CCBE1: variants seen among roughly 807,000 people sequenced by gnomAD.
CCBE1 encodes collagen and calcium binding EGF domains 1.
CCBE1 carries 37 observed loss-of-function variants against 50.0 expected under a neutral mutation model. The ratio of observed to expected loss-of-function variants is 0.74; its 90% CI spans 0.57 to 0.97. The LOEUF is 0.97. Among genes scored for constraint, CCBE1 ranks in the 50% least tolerant of loss-of-function variants. The pLI, the probability that CCBE1 is intolerant of heterozygous loss-of-function variation, is 0.00. For synonymous variants in CCBE1, 234 were observed against 203.7 expected (o/e 1.15, Z -1.27); for missense variants, 538 against 523.8 (o/e 1.03, Z -0.26).
chr18:59,469,719 T>C lies in CCBE1; in HGVS notation c.266-112A>G, dbSNP rs1911938196. 6 of 1,365,682 alleles carry C rather than the reference T, an allele frequency of 4.4e-6. No individual in the cohort carries two copies. In the South Asian group the frequency reaches 4.7e-5, roughly 11 times the overall value. 84.6% of individuals were successfully genotyped at this position (1,365,682 alleles called of 1,614,324 possible). The stretch of plus-strand genomic sequence containing the variant: ...GCTCTGCTCAAGGGCACGTGTGAAG[T>C]GTGGACAGATATACTTGGAGGGACA... On this transcript the variant is annotated intron_variant, in intron 3 of 10. Coordinates refer to ENST00000439986, the MANE Select transcript of CCBE1 (RefSeq NM_133459.4).
chr18:59,506,047 C>G (rs1171448161), intron 2 of CCBE1, among the ~76,000 whole-genome samples: 1 of 152,168 alleles, frequency 6.6e-6, no homozygotes, highest in Non-Finnish European at 1.5e-5. Context: ...CCAGGAACCT[C>G]AGAATGTGGT....
At chr18:59,477,218 G>A (rs961100122) in intron 3 of CCBE1, among the ~76,000 whole-genome samples, 3 of 152,240 alleles carry the variant, frequency 2.0e-5, no homozygotes, top group African/African-American at 7.2e-5. Flanking sequence ...AAGGAAGAAT[G>A]TCTGGAACAC....
chr18:59,617,687 G>T (rs1350271906), intron 2 of CCBE1, among the ~76,000 whole-genome samples: 1 of 152,162 alleles, frequency 6.6e-6, no homozygotes, highest in Non-Finnish European at 1.5e-5. Context: ...TTTTCCTGGA[G>T]AATTTTACCA....
chr18:59,439,156 G>A (rs759289396), intron 9 of CCBE1, among the ~76,000 whole-genome samples: 4 of 152,100 alleles, frequency 2.6e-5, no homozygotes, highest in Admixed American at 6.5e-5. Context: ...GTGTGGTGGC[G>A]GTCGCCTGTA....
chr18:59,563,586 G>A (rs2052775067), intron 2 of CCBE1: 1 of 152,190 alleles, frequency 6.6e-6, no homozygotes, highest in African/African-American at 2.4e-5. Flanking sequence ...TGGTATAAGT[G>A]GATCAGCTTC....
At chr18:59,442,754 A>T (rs1260937596) in intron 7 of CCBE1, among the ~76,000 whole-genome samples, 2 of 152,056 alleles carry the variant, frequency 1.3e-5, no homozygotes, top group East Asian at 3.8e-4. Context: ...ATAAAAATAA[A>T]AATTGGGAGA....
At chr18:59,647,002 C>T (rs1296446113) in intron 2 of CCBE1, among the ~76,000 whole-genome samples, 1 of 152,152 alleles carries the variant, frequency 6.6e-6, no homozygotes, top group Non-Finnish European at 1.5e-5. Context: ...TTTCCGTGGG[C>T]CTAAGGATGG....
At position 59,488,530 on chromosome 18, in the gene CCBE1, G is replaced by A. The variant is rs548331719; in HGVS notation, c.213-8292C>T. On this transcript the variant is annotated intron_variant, in intron 2 of 10. Coordinates refer to ENST00000439986, the MANE Select transcript of CCBE1 (RefSeq NM_133459.4). ...AATGGGGCTAAGGTAACAACCAGAAGGTACTCATTCCAACAAGGCCGCAAG... is the reference window on the plus strand; with the variant it reads ...AATGGGGCTAAGGTAACAACCAGAAAGTACTCATTCCAACAAGGCCGCAAG... Among the ~76,000 whole-genome samples, 143 of 152,204 alleles carry A rather than the reference G, an allele frequency of 9.4e-4. 1 individual carries two copies. The highest frequency in any genetic ancestry group is 3.0e-3 in the African/African-American group (126 of 41,538).
At chr18:59,497,915 A>C (rs1418308469) in intron 2 of CCBE1, among the ~76,000 whole-genome samples, 1 of 152,132 alleles carries the variant, frequency 6.6e-6, no homozygotes, top group East Asian at 1.9e-4. Flanking sequence ...ACCAATTACA[A>C]ATCCTGTCCA....
intron 3 of CCBE1, among the ~76,000 whole-genome samples, chr18:59,471,611 A>G (rs931798620): frequency 1.3e-5 from 2 of 152,188 alleles, no homozygotes; most frequent in African/African-American, 2.4e-5. Flanking sequence ...GGTGCCAGTT[A>G]CTGAGCTTTC....
chr18:59,570,689 GCA>G (rs758778385), intron 2 of CCBE1, among the ~76,000 whole-genome samples: 3 of 152,114 alleles, frequency 2.0e-5, no homozygotes, highest in Non-Finnish European at 4.4e-5. Context: ...CGGGGGTGGG[GCA>G]GGACCTCCCA....
intron 2 of CCBE1, among the ~76,000 whole-genome samples, chr18:59,619,211 T>G (rs1039575220): frequency 6.6e-6 from 1 of 152,246 alleles, no homozygotes; most frequent in African/African-American, 2.4e-5. Context: ...TTAAAACGTT[T>G]TATTTTTCCA....
intron 2 of CCBE1, among the ~76,000 whole-genome samples, chr18:59,594,385 G>A (rs1236399228): frequency 6.6e-6 from 1 of 152,214 alleles, no homozygotes; most frequent in Non-Finnish European, 1.5e-5. Flanking sequence ...GATTGCCAGG[G>A]TCTGCAGAGA....
intron 2 of CCBE1, among the ~76,000 whole-genome samples, chr18:59,590,598 T>G (rs774641400): frequency 1.7e-4 from 26 of 152,084 alleles, no homozygotes; most frequent in Non-Finnish European, 3.7e-4. Flanking sequence ...AGGAGGAATA[T>G]CCCAGACAGA....
intron 2 of CCBE1, among the ~76,000 whole-genome samples, chr18:59,667,672 G>A (rs945764246): frequency 2.6e-5 from 4 of 152,170 alleles, no homozygotes; most frequent in Non-Finnish European, 5.9e-5. Context: ...CCCCTGATCA[G>A]CTGCTGGGTG....
At chr18:59,483,833 A>C (rs774893431) in intron 2 of CCBE1, among the ~76,000 whole-genome samples, 15 of 152,204 alleles carry the variant, frequency 9.9e-5, no homozygotes, top group Non-Finnish European at 1.5e-4. Context: ...CTATCAAAAC[A>C]GACTTGAGTG....
chr18:59,677,698 T>G (rs547973433), intron 2 of CCBE1, among the ~76,000 whole-genome samples: 1 of 148,124 alleles, frequency 6.8e-6, no homozygotes, highest in South Asian at 2.2e-4. Flanking sequence ...ATTATCTCTT[T>G]AAAAAAAAAA....
chr18:59,462,098 A>C lies in CCBE1; in HGVS notation c.553+4641T>G, dbSNP rs76231463. Among the ~76,000 whole-genome samples the C allele has an allele frequency of 0.012, 1,780 of 152,268 alleles. 122 individuals are homozygous for C. In the East Asian group the frequency reaches 0.21, roughly 18 times the overall value. On this transcript the variant is annotated intron_variant, in intron 5 of 10. Transcript: ENST00000439986. ...AAAGCTCAATGATATAACCAGCAGA[A>C]TGCTCTTGATTAAACAGGACATCCC... is the stretch of plus-strand genomic sequence containing the variant.
chr18:59,478,859 C>T (rs888006199), intron 3 of CCBE1, among the ~76,000 whole-genome samples: 1 of 152,150 alleles, frequency 6.6e-6, no homozygotes, highest in Non-Finnish European at 1.5e-5. Context: ...CATGCTATAA[C>T]CAACAGAATT....
Sources: allele counts gnomAD v4.1 joint callset (sites outside exome capture counted in the v4.1 genomes callset), GRCh38; gene constraint gnomAD v4.1.1; transcripts MANE v1.5; gene names NCBI Gene and HGNC (gene_info 2026-07-23, HGNC 2026-07-21).